Variants in HTT observed in about 807,000 individuals in gnomAD.
HTT encodes huntingtin.
Under a neutral mutation model 362.3 loss-of-function variants are expected in HTT, and 104 were observed. The observed-to-expected ratio is 0.29, with a 90% CI of 0.24 to 0.34. The LOEUF is 0.34. HTT is among the 10% of genes least tolerant of loss of function. HTT has a pLI of 1.00. For missense variants in HTT, 3,301 were observed against 3,928.6 expected, an observed-to-expected ratio of 0.84 and a Z score of 4.27; for synonymous variants, 1,577 against 1,548.7, an observed-to-expected ratio of 1.02 and a Z score of -0.43.
intron 42 of HTT, among the ~76,000 whole-genome samples, chr4:3,205,383 A>T (rs1719808368): frequency 6.6e-6 from 1 of 152,170 alleles, no homozygotes; most frequent in Non-Finnish European, 1.5e-5. Context: ...CAACTGAAAG[A>T]GGTGTTATCC....
At chr4:3,166,585 C>T (rs1038292129) in intron 29 of HTT, among the ~76,000 whole-genome samples, 3 of 152,248 alleles carry the variant, frequency 2.0e-5, no homozygotes, top group African/African-American at 7.2e-5. Flanking sequence ...CCAGTTCGAG[C>T]TTCCCTGCTG....
At position 3,233,288 on chromosome 4, in the gene HTT, C is replaced by G. The variant is rs1721349582; in HGVS notation, c.8391C>G (p.Asp2797Glu). 1 of 1,610,996 alleles carries G rather than the reference C, an allele frequency of 6.2e-7. No individual in the cohort carries two copies. The highest frequency in any genetic ancestry group is 1.3e-5 in the African/African-American group (1 of 74,920). ...TGCTGGAGTGCGACCTGCTGGACGA[C>G]ACTGCCAAGCAGCTCATCCCGGTCA... ...LYVLECDLLD[D>E]TAKQLIPVIS... The change falls in exon 61 of 67, where the codon GAC becomes GAG. Residue 2797 changes from aspartate to glutamate, a missense_variant. This residue lies in a region of HTT where 753 missense variants were observed against 1,021.3 expected (regional missense o/e 0.74). Transcript: ENST00000355072.
chr4:3,189,858 G>GAA (rs1171256695), intron 40 of HTT, among the ~76,000 whole-genome samples: 36 of 152,150 alleles, frequency 2.4e-4, no homozygotes, highest in African/African-American at 8.0e-4. Flanking sequence ...GACCCCATCT[G>GAA]TACAAACAAA....
intron 62 of HTT, 82 bp from the exon 63 acceptor site, chr4:3,235,483 G>T: frequency 6.5e-7 from 1 of 1,532,358 alleles, no homozygotes; most frequent in Non-Finnish European, 9.0e-7. Context: ...CAGTGGGCCA[G>T]TTTTGACTTG....
At chr4:3,122,207 C>G (rs1715328317) in intron 9 of HTT, among the ~76,000 whole-genome samples, 1 of 152,208 alleles carries the variant, frequency 6.6e-6, no homozygotes, top group African/African-American at 2.4e-5. Context: ...CAGTGCTGCC[C>G]TGGAGCAGTG....
chr4:3,111,056 T>G (rs1232968725), intron 6 of HTT, among the ~76,000 whole-genome samples: 1 of 152,238 alleles, frequency 6.6e-6, no homozygotes, highest in East Asian at 1.9e-4. Flanking sequence ...CTTGCCCTGT[T>G]GCCCAGGTTG....
chr4:3,132,596 C>A lies in HTT; in HGVS notation c.2271C>A (p.Ile757=). The A allele has an allele frequency of 6.2e-7, 1 of 1,613,984 alleles. No individual in the cohort carries two copies. ...EQYVSDILNY[I]DHGDPQVRGA... The stretch of plus-strand genomic sequence containing the variant: ...ATGTCTCAGACATCTTGAACTACAT[C>A]GATCATGGAGACCCACAGGTTCGAG... Residue 757 remains isoleucine, a synonymous_variant, in exon 17 of 67, where the codon ATC becomes ATA. Coordinates refer to ENST00000355072, the MANE Select transcript of HTT (RefSeq NM_001388492.1).
chr4:3,243,088 C>T lies in HTT; in HGVS notation c.*3029C>T, dbSNP rs951760244. ...GGGGGTCATTTCAGAGCCCTCGGAG[C>T]CAATGAACAGCTCCTCCTCTTGGAG... On this transcript the variant is annotated 3_prime_UTR_variant, in exon 67 of 67. Transcript: ENST00000355072. The T allele has an allele frequency of 6.6e-6, 1 of 152,600 alleles. No homozygotes were observed. The highest frequency in any genetic ancestry group is 2.1e-4 in the South Asian group (1 of 4,824). The allele number at this position is 152,600 out of a possible 1,614,324, so 9.5% of individuals were successfully genotyped here. A position where few individuals can be genotyped will look rare whatever the true frequency, so the allele number is the denominator to read the frequency against.
chr4:3,170,861 C>T (rs1255720674), intron 29 of HTT, among the ~76,000 whole-genome samples: 1 of 152,168 alleles, frequency 6.6e-6, no homozygotes, highest in African/African-American at 2.4e-5. Context: ...AGGGTAAACC[C>T]AGTCCCTCAC....
At chr4:3,138,477 A>C (rs1716188876) in intron 21 of HTT, among the ~76,000 whole-genome samples, 1 of 152,156 alleles carries the variant, frequency 6.6e-6, no homozygotes, top group Admixed American at 6.6e-5. Flanking sequence ...ACTTCTGAGA[A>C]CATATAGCAG....
chr4:3,168,231 A>G (rs892637625), intron 29 of HTT, among the ~76,000 whole-genome samples: 10 of 152,242 alleles, frequency 6.6e-5, no homozygotes, highest in Admixed American at 6.5e-5. Flanking sequence ...TATACAAACT[A>G]TTGAGCCTTA....
chr4:3,183,743 G>A (rs1718631593), intron 37 of HTT, among the ~76,000 whole-genome samples: 1 of 152,192 alleles, frequency 6.6e-6, no homozygotes, highest in Non-Finnish European at 1.5e-5. Context: ...TTTTCTGTGC[G>A]TAATCTGAGT....
At position 3,217,917 on chromosome 4, in the gene HTT, C is replaced by T. The variant is rs1720492427; in HGVS notation, c.7207C>T (p.Pro2403Ser). ...CATCATCATCAGCCTGGCCCGCCTG[C>T]CCCTTGTCAACAGCTACACACGTGT... is the stretch of plus-strand genomic sequence containing the variant. ...RNIIISLARL[P>S]LVNSYTRVPP... Residue 2403 changes from proline (P) to serine (S), a missense_variant, in exon 52 of 67, where the codon CCC becomes TCC. Around this residue, in one of 4 missense-constraint regions of HTT, gnomAD observed 753 missense variants for 1,021.3 expected, o/e 0.74. Coordinates refer to ENST00000355072, the MANE Select transcript of HTT (RefSeq NM_001388492.1). 1.9e-6 allele frequency: 3 copies of T among 1,613,100 alleles called. No homozygotes were observed. The highest frequency in any genetic ancestry group is 2.5e-6 in the Non-Finnish European group (3 of 1,179,566).
chr4:3,208,980 A>G, intron 46 of HTT, 69 bp downstream of exon 46: 2 of 1,496,882 alleles, frequency 1.3e-6, no homozygotes, highest in Non-Finnish European at 1.8e-6. Context: ...TGGCAGATAC[A>G]GAGAGTGCAG....
chr4:3,229,060 C>T (rs1418441417), intron 59 of HTT, 51 bp downstream of exon 59: 1 of 1,555,188 alleles, frequency 6.4e-7, no homozygotes, highest in Non-Finnish European at 8.8e-7. Context: ...ACACGCACCA[C>T]ACACGCCACA....
At chr4:3,134,649 G>C in intron 19 of HTT, 109 bp downstream of exon 19, 1 of 1,031,382 alleles carries the variant, frequency 9.7e-7, no homozygotes, top group Admixed American at 2.2e-5. Context: ...TCAGAAATCC[G>C]AGTGGTTTAG....
intron 18 of HTT, 127 bp downstream of exon 18, chr4:3,133,038 A>G (rs1171497957): frequency 1.4e-6 from 1 of 724,786 alleles, no homozygotes; most frequent in Non-Finnish European, 2.5e-6. Flanking sequence ...AATACCCACC[A>G]TGTATCCATC....
intron 52 of HTT, among the ~76,000 whole-genome samples, chr4:3,219,426 A>C (rs1007947672): frequency 2.0e-5 from 3 of 152,168 alleles, no homozygotes; most frequent in Non-Finnish European, 4.4e-5. Flanking sequence ...GAGTGCGGTC[A>C]TCTGGAAGGC....
chr4:3,180,413 G>A (rs1718457357), intron 35 of HTT, 102 bp from the exon 36 acceptor site: 1 of 1,057,490 alleles, frequency 9.5e-7, no homozygotes, highest in Admixed American at 2.5e-5. Flanking sequence ...TATGTGTAAG[G>A]GTTTTCTTTA....
Sources: gnomAD v4.1 joint callset for allele counts (sites outside exome capture counted in the v4.1 genomes callset) on GRCh38, gnomAD v4.1.1 for gene constraint, gnomAD v4.1.1 regional missense constraint, MANE v1.5 for transcripts, NCBI Gene and HGNC (gene_info 2026-07-23, HGNC 2026-07-21) for gene names.